The following XPR1 variants were observed in gnomAD, a reference collection of about 807,000 sequenced individuals.
The protein encoded by XPR1 is solute carrier family 53 member 1.
In XPR1, 28 loss-of-function variants were observed where a neutral mutation model predicts 87.5. The observed-to-expected ratio is 0.32, with a 90% confidence interval of 0.24 to 0.44. The LOEUF (loss-of-function observed/expected upper bound fraction) is 0.44. Among genes scored for constraint, XPR1 ranks in the 20% least tolerant of loss-of-function variants. XPR1 has a pLI of 1.00. For missense variants in XPR1, 559 were observed against 862.3 expected (o/e 0.65, Z 4.41); for synonymous variants, 300 against 306.1 (o/e 0.98, Z 0.21).
At chr1:180,691,226 G>A (rs535988876) in intron 2 of XPR1, among the ~76,000 whole-genome samples, 15 of 152,080 alleles carry the variant, frequency 9.9e-5, no homozygotes, top group South Asian at 2.1e-4. Flanking sequence ...CAATTAAACC[G>A]TTTCTTTTTG....
chr1:180,729,348 G>A (rs6671987), intron 2 of XPR1, among the ~76,000 whole-genome samples: 6,551 of 152,180 alleles, frequency 0.043, 506 homozygotes, highest in African/African-American at 0.15. Flanking sequence ...ATTCCTTTGG[G>A]TGTATACTCA....
intron 9 of XPR1, among the ~76,000 whole-genome samples, chr1:180,825,999 G>A (rs534953302): frequency 2.0e-5 from 3 of 152,226 alleles, no homozygotes; most frequent in South Asian, 2.1e-4. Context: ...GCAGTGAGCC[G>A]CGATTGTGCC....
At chr1:180,679,347 C>T (rs1656481470) in intron 1 of XPR1, among the ~76,000 whole-genome samples, 1 of 152,198 alleles carries the variant, frequency 6.6e-6, no homozygotes, top group Admixed American at 6.5e-5. Context: ...TTAGTTTTCA[C>T]AGCTGGAGGG....
chr1:180,764,802 T>C (rs1252195389), intron 2 of XPR1, among the ~76,000 whole-genome samples: 2 of 149,072 alleles, frequency 1.3e-5, no homozygotes, highest in Non-Finnish European at 3.0e-5. Flanking sequence ...TTTTTTTTTT[T>C]TGAGACAGGG....
At chr1:180,829,155 C>G (rs1663317810) in intron 9 of XPR1, among the ~76,000 whole-genome samples, 1 of 152,134 alleles carries the variant, frequency 6.6e-6, no homozygotes, top group South Asian at 2.1e-4. Context: ...GAAATTGTAC[C>G]ACTGCACTCC....
chr1:180,667,378 T>A (rs1216810147), intron 1 of XPR1, among the ~76,000 whole-genome samples: 1 of 152,226 alleles, frequency 6.6e-6, no homozygotes, highest in Non-Finnish European at 1.5e-5. Context: ...TCTGTTAATG[T>A]GGTGTATTAC....
chr1:180,786,845 T>C (rs952052453), intron 2 of XPR1, among the ~76,000 whole-genome samples: 6 of 152,122 alleles, frequency 3.9e-5, no homozygotes, highest in Non-Finnish European at 8.8e-5. Context: ...TCTCACCACA[T>C]TTGCACAATC....
intron 2 of XPR1, among the ~76,000 whole-genome samples, chr1:180,715,952 T>C (rs113627325): frequency 0.043 from 6,561 of 152,084 alleles, 512 homozygotes; most frequent in African/African-American, 0.15. Context: ...GGATTACAGG[T>C]GTAAGTCACC....
rs1651301314 is a variant in XPR1 at position 180,836,541 on chromosome 1, A to G, written c.1326A>G (p.Lys442=). ...NNSEESGICH[K]YTYGVRAIVQ... ...TCACAGAATCAGGAATTTGCCACAAATATACATATGGTGTGCGGGCCATTG... is the reference window on the plus strand; with the variant it reads ...TCACAGAATCAGGAATTTGCCACAAGTATACATATGGTGTGCGGGCCATTG... The change falls in exon 11 of 15, where the codon AAA becomes AAG. Residue 442 remains lysine, a synonymous_variant. Coordinates refer to ENST00000367590, the MANE Select transcript of XPR1 (RefSeq NM_004736.4). 3.1e-6 allele frequency: 5 copies of G among 1,614,100 alleles called. No homozygotes were observed. Among genetic ancestry groups the G allele is most frequent in the Non-Finnish European group, 4.2e-6 (5 of 1,180,016 alleles).
At chr1:180,633,120 A>G (rs1654647988) in intron 1 of XPR1, among the ~76,000 whole-genome samples, 1 of 152,244 alleles carries the variant, frequency 6.6e-6, no homozygotes, top group South Asian at 2.1e-4. Context: ...CATGCTCCCC[A>G]TTCCCTCCCA....
intron 2 of XPR1, among the ~76,000 whole-genome samples, chr1:180,744,990 G>T (rs1278940865): frequency 6.6e-6 from 1 of 152,062 alleles, no homozygotes; most frequent in African/African-American, 2.4e-5. Flanking sequence ...TGTGATTTGT[G>T]ATTTCAATAT....
intron 2 of XPR1, among the ~76,000 whole-genome samples, chr1:180,701,460 A>G (rs1466806562): frequency 7.5e-6 from 1 of 133,890 alleles, no homozygotes; most frequent in Non-Finnish European, 1.6e-5. Flanking sequence ...CTTTTTCTGC[A>G]TCTATTGAGA....
intron 7 of XPR1, among the ~76,000 whole-genome samples, chr1:180,817,686 G>A (rs927156955): frequency 9.2e-5 from 14 of 152,104 alleles, no homozygotes; most frequent in Non-Finnish European, 1.5e-5. Flanking sequence ...TCTCACAAAT[G>A]TTAAACAAAA....
intron 2 of XPR1, among the ~76,000 whole-genome samples, chr1:180,782,685 C>G (rs182503647): frequency 6.6e-6 from 1 of 152,042 alleles, no homozygotes; most frequent in Non-Finnish European, 1.5e-5. Context: ...AAGGCCCTGT[C>G]TCCAAATACA....
intron 11 of XPR1, among the ~76,000 whole-genome samples, chr1:180,849,584 G>A (rs189372645): frequency 4.6e-5 from 7 of 152,308 alleles, no homozygotes; most frequent in Non-Finnish European, 8.8e-5. Context: ...GTAAACAGAT[G>A]TGGTGTTGAG....
At position 180,656,481 on chromosome 1, in the gene XPR1, AT is replaced by A. The variant is rs1235820768; in HGVS notation, c.69+24212del. ...TTTATATATAATATTTATACATTAT[AT>A]ATAATATTTATATATTATATATAAT... On this transcript the variant is annotated intron_variant, in intron 1 of 14. Coordinates refer to ENST00000367590, the MANE Select transcript of XPR1 (RefSeq NM_004736.4). 1.6e-4 allele frequency among the ~76,000 whole-genome samples: 6 copies of A among 37,348 alleles called. 2 individuals carry two copies. The highest frequency in any genetic ancestry group is 3.9e-4 in the African/African-American group (3 of 7,642). 24.5% of individuals were successfully genotyped at this position (37,348 alleles called of 152,430 possible). A position where few individuals can be genotyped will look rare whatever the true frequency, so the allele number is the denominator to read the frequency against.
intron 2 of XPR1, among the ~76,000 whole-genome samples, chr1:180,710,348 G>A (rs1482096274): frequency 6.6e-6 from 1 of 152,084 alleles, no homozygotes; most frequent in Admixed American, 6.5e-5. Flanking sequence ...GGACCCTGGG[G>A]CCTTCTGCAG....
rs115654725 is a variant in XPR1, at chr1:180,803,199, G to A, written c.224-189G>A. Among the ~76,000 whole-genome samples the A allele has an allele frequency of 0.011, 1,656 of 152,214 alleles. 31 individuals are homozygous for A. The highest frequency in any genetic ancestry group is 0.037 in the African/African-American group (1,547 of 41,520). ...TTTGTAAAAAGAAAGGGTACATGAG[G>A]TTTTATGGGGGGTAAAATGAAAGGA... On this transcript the variant is annotated intron_variant, in intron 3 of 14. Coordinates refer to ENST00000367590, the MANE Select transcript of XPR1 (RefSeq NM_004736.4).
intron 1 of XPR1, among the ~76,000 whole-genome samples, chr1:180,671,104 A>G (rs1365814831): frequency 6.6e-6 from 1 of 152,228 alleles, no homozygotes; most frequent in Non-Finnish European, 1.5e-5. Flanking sequence ...ATGAAAATCA[A>G]AGTGGTTTTT....
Sources: allele counts gnomAD v4.1 joint callset (sites outside exome capture counted in the v4.1 genomes callset), GRCh38; gene constraint gnomAD v4.1.1; transcripts MANE v1.5; gene names NCBI Gene and HGNC (gene_info 2026-07-23, HGNC 2026-07-21).